GLG1: variants seen among roughly 807,000 people sequenced by gnomAD.
The protein encoded by GLG1 is golgi glycoprotein 1, also known as Golgi apparatus protein 1.
In GLG1, 38 loss-of-function variants were observed where a neutral mutation model predicts 160.5. The ratio of observed to expected loss-of-function variants is 0.24; its 90% CI spans 0.18 to 0.31. The LOEUF is 0.31. Among genes scored for constraint, GLG1 ranks in the 10% least tolerant of loss-of-function variants. The pLI is 1.00. For missense variants in GLG1, 1,373 were observed against 1,505.2 expected (o/e 0.91, Z 1.45); for synonymous variants, 644 against 543.4 (o/e 1.19, Z -2.57).
At chr16:74,587,492 G>A (rs1359995819) in intron 1 of GLG1, among the ~76,000 whole-genome samples, 1 of 152,128 alleles carries the variant, frequency 6.6e-6, no homozygotes, top group East Asian at 1.9e-4. Context: ...TGTAAAGCAG[G>A]AATATGACTA....
intron 1 of GLG1, among the ~76,000 whole-genome samples, chr16:74,534,109 C>T (rs2017619570): frequency 6.6e-6 from 1 of 152,076 alleles, no homozygotes; most frequent in East Asian, 1.9e-4. Flanking sequence ...AATTAGGTTG[C>T]TAGGTAATCA....
At chr16:74,499,812 G>A (rs1264003354) in intron 4 of GLG1, among the ~76,000 whole-genome samples, 1 of 152,130 alleles carries the variant, frequency 6.6e-6, no homozygotes, top group Non-Finnish European at 1.5e-5. Context: ...GACCATCCTG[G>A]CTAACACTGT....
chr16:74,467,888 A>C (rs772074160), intron 17 of GLG1, 40 bp from the exon 18 acceptor site: 3 of 1,345,676 alleles, frequency 2.2e-6, no homozygotes, highest in Admixed American at 3.5e-5. Flanking sequence ...AGCTTGGTTT[A>C]GGCTGGAGAT....
rs148622877 is a variant in GLG1 at position 74,489,193 on chromosome 16, G to A, written c.1449+1808C>T. On this transcript the variant is annotated intron_variant, in intron 8 of 25. Coordinates refer to ENST00000422840, the MANE Select transcript of GLG1 (RefSeq NM_001145667.2). ...CTCAGTAAAAAGACAGGTTTAGGCC[G>A]GGCATGGTGGCTTACACCTGTAATC... 9.2e-3 allele frequency among the ~76,000 whole-genome samples: 1,405 copies of A among 152,112 alleles called. 21 individuals are homozygous for A. Among genetic ancestry groups the A allele is most frequent in the African/African-American group, 0.029 (1,184 of 41,492 alleles).
intron 1 of GLG1, among the ~76,000 whole-genome samples, chr16:74,565,338 C>T (rs2018625718): frequency 1.3e-5 from 2 of 152,104 alleles, no homozygotes; most frequent in African/African-American, 4.8e-5. Context: ...AAAACAACAA[C>T]AATAACAAAA....
At chr16:74,567,182 G>C (rs1052614891) in intron 1 of GLG1, among the ~76,000 whole-genome samples, 1 of 151,424 alleles carries the variant, frequency 6.6e-6, no homozygotes. Flanking sequence ...TGTTGTGTGT[G>C]GGGGGTGTAG....
intron 4 of GLG1, 43 bp from the exon 5 acceptor site, chr16:74,496,687 T>C (rs1465180665): frequency 2.4e-6 from 3 of 1,267,598 alleles, no homozygotes; most frequent in East Asian, 4.7e-5. Context: ...TTTTATCACA[T>C]GGGTTTCAAA....
intron 23 of GLG1, among the ~76,000 whole-genome samples, chr16:74,458,515 T>C (rs1385154072): frequency 1.3e-5 from 2 of 151,662 alleles, no homozygotes; most frequent in Non-Finnish European, 2.9e-5. Flanking sequence ...CTATAGAAAA[T>C]TATTTAAAAA....
intron 1 of GLG1, among the ~76,000 whole-genome samples, chr16:74,546,655 T>C (rs183563474): frequency 2.2e-4 from 34 of 151,154 alleles, no homozygotes; most frequent in African/African-American, 7.3e-4. Context: ...TTGGTCAACA[T>C]AGTGAAACCC....
rs2014977051 is a variant in GLG1, at chr16:74,465,763, G to A, written c.2580C>T (p.His860=). ...ENKKQLSTRC[H]QKVFKLQETE... is the part of the protein sequence containing the mutation. ...TCTCCTGCAGCTTAAATACTTTTTGGTGGCAGCGGGTGCTTAGCTGCTTCT... is the reference window on the plus strand; with the variant it reads ...TCTCCTGCAGCTTAAATACTTTTTGATGGCAGCGGGTGCTTAGCTGCTTCT... Residue 860 remains histidine (H), a synonymous_variant, in exon 19 of 26, where the codon CAC becomes CAT. Coordinates refer to ENST00000422840, the MANE Select transcript of GLG1 (RefSeq NM_001145667.2). The A allele has an allele frequency of 1.9e-6, 3 of 1,613,372 alleles. No homozygotes were observed. The highest frequency in any genetic ancestry group is 2.5e-6 in the Non-Finnish European group (3 of 1,179,404).
intron 1 of GLG1, among the ~76,000 whole-genome samples, chr16:74,593,477 C>CA (rs1338124974): frequency 6.8e-6 from 1 of 147,124 alleles, no homozygotes; most frequent in East Asian, 2.0e-4. Flanking sequence ...TCTTGTCACC[C>CA]AGGCTGGAGT....
chr16:74,595,988 T>G (rs1291558976), intron 1 of GLG1, among the ~76,000 whole-genome samples: 1 of 151,862 alleles, frequency 6.6e-6, no homozygotes, highest in Admixed American at 6.6e-5. Context: ...CCAGCCATGG[T>G]GCCACATGCC....
chr16:74,527,150 A>C (rs1275200946), intron 2 of GLG1, among the ~76,000 whole-genome samples: 2 of 151,424 alleles, frequency 1.3e-5, no homozygotes, highest in Non-Finnish European at 2.9e-5. Flanking sequence ...TTATATTTTT[A>C]TTCCTACCCA....
At chr16:74,492,815 C>G (rs1413265539) in intron 7 of GLG1, 142 bp downstream of exon 7, 4 of 495,878 alleles carry the variant, frequency 8.1e-6, no homozygotes, top group Admixed American at 8.5e-5. Context: ...CGAGAGACTC[C>G]GTCTCAAGAA....
Position 74,549,573 on chromosome 16 carries a change from G to A in GLG1, c.439-17420C>T, listed in dbSNP as rs1404533222. On this transcript the variant is annotated intron_variant, in intron 1 of 25. Transcript: ENST00000422840. ...GGTGCCAAGATTACAGGCGTGAGCC[G>A]CTGCGCCTGGCCAGTCTTCTCCATC... 7.9e-5 allele frequency among the ~76,000 whole-genome samples: 12 copies of A among 152,266 alleles called. No individual in the cohort carries two copies. In the East Asian group the frequency reaches 2.1e-3, roughly 27 times the overall value.
intron 1 of GLG1, among the ~76,000 whole-genome samples, chr16:74,588,095 CAGG>C (rs1012901864): frequency 1.3e-5 from 2 of 150,612 alleles, no homozygotes; most frequent in African/African-American, 4.9e-5. Context: ...AGAAAAAAAA[CAGG>C]GGGAGCGTTG....
At chr16:74,516,745 C>T (rs1284679635) in intron 2 of GLG1, among the ~76,000 whole-genome samples, 1 of 152,046 alleles carries the variant, frequency 6.6e-6, no homozygotes, top group African/African-American at 2.4e-5. Flanking sequence ...AAAAACCCTT[C>T]AAAATAAACC....
intron 20 of GLG1, 73 bp downstream of exon 20, chr16:74,463,280 GAGC>G: frequency 1.4e-6 from 2 of 1,429,534 alleles, no homozygotes; most frequent in Non-Finnish European, 2.0e-6. Context: ...CTGGGAGTTT[GAGC>G]AGGTCACTCT....
intron 1 of GLG1, among the ~76,000 whole-genome samples, chr16:74,572,243 G>T (rs985304288): frequency 6.6e-6 from 1 of 152,160 alleles, no homozygotes; most frequent in Admixed American, 6.6e-5. Context: ...GGGCACGGTG[G>T]CTCGCACCTG....
Sources: allele counts gnomAD v4.1 joint callset (sites outside exome capture counted in the v4.1 genomes callset), GRCh38; gene constraint gnomAD v4.1.1; transcripts MANE v1.5; gene names NCBI Gene and HGNC (gene_info 2026-07-23, HGNC 2026-07-21).